FGF14: variants seen among roughly 807,000 people sequenced by gnomAD.
The protein encoded by FGF14 is fibroblast growth factor 14.
A neutral mutation model predicts 25.5 loss-of-function variants in FGF14; 5 were observed. The observed-to-expected ratio is 0.20, with a 90% confidence interval of 0.10 to 0.41. The LOEUF is 0.41. Among genes scored for constraint, FGF14 ranks in the 10% least tolerant of loss-of-function variants. FGF14 has a pLI of 1.00. For synonymous variants in FGF14, 138 were observed against 118.3 expected, an observed-to-expected ratio of 1.17 and a Z score of -1.08; for missense variants, 222 against 320.1, an observed-to-expected ratio of 0.69 and a Z score of 2.34.
rs542987549 is a variant in FGF14, at chr13:101,940,630, T to G, written c.209-65334A>C. On this transcript the variant is annotated intron_variant, in intron 1 of 4. Transcript: ENST00000376131. The stretch of plus-strand genomic sequence containing the variant: ...CCCTACCCATCCAATCTAAAGTAAC[T>G]GACAATCCACAGTAACCACCTGCAC... Among the ~76,000 whole-genome samples, 12 of 152,336 alleles carry G rather than the reference T, an allele frequency of 7.9e-5. No individual in the cohort carries two copies. The South Asian group carries it at 2.1e-3, about 26-fold the overall frequency.
chr13:102,089,627 TG>T (rs1358307157), intron 1 of FGF14, among the ~76,000 whole-genome samples: 4 of 152,214 alleles, frequency 2.6e-5, no homozygotes, highest in Non-Finnish European at 2.9e-5. Flanking sequence ...CATTCAGTTA[TG>T]AAAGTTCTGT....
At chr13:102,297,714 T>C (rs2054797008) in intron 1 of FGF14, among the ~76,000 whole-genome samples, 1 of 130,974 alleles carries the variant, frequency 7.6e-6, no homozygotes. Context: ...AGCAAGATCC[T>C]ACCTCTATAA....
intron 1 of FGF14, among the ~76,000 whole-genome samples, chr13:102,043,895 T>G (rs2041859939): frequency 6.6e-6 from 1 of 152,192 alleles, no homozygotes; most frequent in African/African-American, 2.4e-5. Context: ...GCAACTGGAT[T>G]GTTGTCATGG....
intron 1 of FGF14, among the ~76,000 whole-genome samples, chr13:102,260,604 C>T (rs2052672018): frequency 6.6e-6 from 1 of 152,130 alleles, no homozygotes; most frequent in Non-Finnish European, 1.5e-5. Flanking sequence ...GCTTTGCTAT[C>T]GCTATCACAT....
chr13:102,290,070 A>G (rs1255935541), intron 1 of FGF14, among the ~76,000 whole-genome samples: 1 of 152,182 alleles, frequency 6.6e-6, no homozygotes, highest in Non-Finnish European at 1.5e-5. Flanking sequence ...TTCAAAGAAG[A>G]GCTCAGTTGA....
intron 1 of FGF14, among the ~76,000 whole-genome samples, chr13:102,000,818 C>G (rs1294166497): frequency 1.3e-5 from 2 of 152,194 alleles, no homozygotes; most frequent in African/African-American, 2.4e-5. Context: ...TGTACTCTTA[C>G]AATTTGGCTG....
At chr13:101,948,085 A>T (rs930032640) in intron 1 of FGF14, among the ~76,000 whole-genome samples, 2 of 152,220 alleles carry the variant, frequency 1.3e-5, no homozygotes, top group African/African-American at 4.8e-5. Context: ...TCTTTTGTCA[A>T]TTCTTAGCGT....
intron 1 of FGF14, among the ~76,000 whole-genome samples, chr13:102,136,308 C>A (rs950756566): frequency 6.6e-6 from 1 of 152,034 alleles, no homozygotes. Context: ...TAAGTGTTAT[C>A]ATCATAATTA....
At chr13:102,149,992 G>A in intron 1 of FGF14, among the ~76,000 whole-genome samples, 1 of 152,152 alleles carries the variant, frequency 6.6e-6, no homozygotes. Context: ...TTATATATAT[G>A]TATTAGAACC....
intron 1 of FGF14, among the ~76,000 whole-genome samples, chr13:102,043,002 A>G (rs1480419173): frequency 6.6e-6 from 1 of 152,218 alleles, no homozygotes; most frequent in African/African-American, 2.4e-5. Flanking sequence ...ATACGAATTT[A>G]CCAGACGGAC....
At chr13:102,210,513 T>C (rs1047656586) in intron 1 of FGF14, among the ~76,000 whole-genome samples, 3 of 152,186 alleles carry the variant, frequency 2.0e-5, no homozygotes, top group African/African-American at 7.2e-5. Flanking sequence ...TTTAAAAATG[T>C]GCAAGGGGAC....
chr13:102,266,061 G>C (rs1030493773), intron 1 of FGF14, among the ~76,000 whole-genome samples: 9 of 151,972 alleles, frequency 5.9e-5, no homozygotes, highest in Admixed American at 5.3e-4. Flanking sequence ...AATACAAAAT[G>C]AGAGAAAAAA....
chr13:102,310,318 A>G (rs1004412353), intron 1 of FGF14, among the ~76,000 whole-genome samples: 2 of 152,130 alleles, frequency 1.3e-5, no homozygotes, highest in Admixed American at 6.5e-5. Context: ...CCTCACTTAG[A>G]GTATATTTTT....
intron 3 of FGF14, among the ~76,000 whole-genome samples, chr13:101,734,192 C>G (rs960380171): frequency 6.6e-6 from 1 of 152,050 alleles, no homozygotes; most frequent in African/African-American, 2.4e-5. Flanking sequence ...TGACTGTATG[C>G]ACATTAAAAT....
chr13:102,069,538 A>C (rs1239641549), intron 1 of FGF14, among the ~76,000 whole-genome samples: 1 of 152,178 alleles, frequency 6.6e-6, no homozygotes, highest in Non-Finnish European at 1.5e-5. Flanking sequence ...TGTAACGCTC[A>C]CCAGGAAGAT....
intron 1 of FGF14, among the ~76,000 whole-genome samples, chr13:101,922,214 T>C (rs1435489431): frequency 2.6e-5 from 4 of 152,188 alleles, no homozygotes; most frequent in Admixed American, 2.6e-4. Context: ...AAGTACCCCA[T>C]GGTACCTAAA....
intron 1 of FGF14, among the ~76,000 whole-genome samples, chr13:102,131,995 A>C (rs1226140689): frequency 1.3e-5 from 2 of 152,204 alleles, no homozygotes; most frequent in African/African-American, 4.8e-5. Flanking sequence ...GATTGGAAGG[A>C]CTTGGGAAAA....
At chr13:101,735,967 T>C (rs1257746412) in intron 3 of FGF14, among the ~76,000 whole-genome samples, 1 of 152,192 alleles carries the variant, frequency 6.6e-6, no homozygotes, top group Non-Finnish European at 1.5e-5. Context: ...TTTTTAAACA[T>C]TTCTGGATTA....
chr13:102,017,894 C>T (rs1474268702), intron 1 of FGF14, among the ~76,000 whole-genome samples: 15 of 152,092 alleles, frequency 9.9e-5, no homozygotes, highest in Admixed American at 2.6e-4. Context: ...ATGTCCATTC[C>T]GCTACTCAGA....
Sources: allele counts gnomAD v4.1 joint callset (sites outside exome capture counted in the v4.1 genomes callset), GRCh38; gene constraint gnomAD v4.1.1; transcripts MANE v1.5; gene names NCBI Gene and HGNC (gene_info 2026-07-23, HGNC 2026-07-21).